The following LTBP1 variants were observed in gnomAD, a reference collection of about 807,000 sequenced individuals.
LTBP1 encodes latent-transforming growth factor beta-binding protein 1.
Under a neutral mutation model 207.6 loss-of-function variants are expected in LTBP1, and 129 were observed. The observed-to-expected ratio is 0.62, with a 90% CI of 0.54 to 0.72. The LOEUF is 0.72. Ranked by LOEUF, LTBP1 falls within the 30% of genes least tolerant of loss-of-function variation. LTBP1 has a pLI of 0.00. For missense variants in LTBP1, 2,281 were observed against 2,217.2 expected (o/e 1.03, Z -0.58); for synonymous variants, 963 against 833.7 (o/e 1.16, Z -2.67).
At chr2:32,961,375 T>A (rs1009394545) in intron 2 of LTBP1, among the ~76,000 whole-genome samples, 1 of 152,204 alleles carries the variant, frequency 6.6e-6, no homozygotes, top group East Asian at 1.9e-4. Flanking sequence ...GTGTTAAAAG[T>A]CAAATTAATG....
At chr2:33,209,491 T>C (rs187921500) in intron 7 of LTBP1, among the ~76,000 whole-genome samples, 2 of 152,294 alleles carry the variant, frequency 1.3e-5, no homozygotes, top group South Asian at 2.1e-4. Flanking sequence ...AGTTGAATTA[T>C]TGGAATTCCA....
At position 33,354,643 on chromosome 2, in the gene LTBP1, A is replaced by G. The variant is rs186254700; in HGVS notation, c.4001-5954A>G. Among the ~76,000 whole-genome samples, 283 of 150,978 alleles carry G rather than the reference A, an allele frequency of 1.9e-3. 1 individual carries two copies. The highest frequency in any genetic ancestry group is 6.6e-3 in the African/African-American group (273 of 41,156). On this transcript the variant is annotated intron_variant, in intron 26 of 33. Coordinates refer to ENST00000404816, the MANE Select transcript of LTBP1 (RefSeq NM_206943.4). ...TTCTGAAAAGAGATATCAGTGTTTT[A>G]ATGAACTGACATATCAATCAAAGTG...
At chr2:33,095,553 T>G (rs1441312771) in intron 3 of LTBP1, among the ~76,000 whole-genome samples, 1 of 152,060 alleles carries the variant, frequency 6.6e-6, no homozygotes, top group Non-Finnish European at 1.5e-5. Context: ...ATACTGTACC[T>G]AATAATAACC....
chr2:33,344,011 C>T (rs1256013443), intron 25 of LTBP1, among the ~76,000 whole-genome samples: 1 of 152,142 alleles, frequency 6.6e-6, no homozygotes, highest in Non-Finnish European at 1.5e-5. Flanking sequence ...GAGTCTATTG[C>T]CTATTTGGTT....
At chr2:33,072,584 G>A (rs1050699355) in intron 3 of LTBP1, among the ~76,000 whole-genome samples, 5 of 152,168 alleles carry the variant, frequency 3.3e-5, no homozygotes, top group African/African-American at 9.7e-5. Flanking sequence ...AGTTTCTAAG[G>A]CCTTCCTTGG....
At chr2:33,096,813 A>G (rs569144433) in intron 3 of LTBP1, among the ~76,000 whole-genome samples, 12 of 152,334 alleles carry the variant, frequency 7.9e-5, no homozygotes, top group Admixed American at 2.0e-4. Flanking sequence ...CAGAAGGCTG[A>G]GGCAGGAGGA....
rs190741501 is a variant in LTBP1 at position 33,017,716 on chromosome 2, A to C, written c.566-3193A>C. On this transcript the variant is annotated intron_variant, in intron 2 of 33. Transcript: ENST00000404816. ...ACTGCAAGCTCCGCCTCCTGGGTTC[A>C]CGCCATTCTTCTGCCTCAGCCTCCC... Among the ~76,000 whole-genome samples, 472 of 152,284 alleles carry C rather than the reference A, an allele frequency of 3.1e-3. 2 individuals carry two copies. The highest frequency in any genetic ancestry group is 0.011 in the African/African-American group (451 of 41,560).
rs989504771 is a variant in LTBP1 at position 33,389,262 on chromosome 2, G to T, written c.4790G>T (p.Ser1597Ile). 2.5e-6 allele frequency: 4 copies of T among 1,614,092 alleles called. No homozygotes were observed. The African/African-American group carries it at 5.3e-5, about 22-fold the overall frequency. ...GGACGGGACGCCTTGGTTGACTTCA[G>T]TGAACAGTATACTCCAGAAGCCGAT... is the stretch of plus-strand genomic sequence containing the variant. ...PYGRDALVDF[S>I]EQYTPEADPY... The change falls in exon 32 of 34, where the codon AGT (serine) becomes ATT (isoleucine). Residue 1597 changes from serine to isoleucine, a missense_variant. Around this residue, in one of 3 missense-constraint regions of LTBP1, gnomAD observed 1,671 missense variants for 1,634.8 expected, o/e 1.02. Transcript: ENST00000404816.
chr2:33,085,749 A>G (rs1220608625), intron 3 of LTBP1, among the ~76,000 whole-genome samples: 1 of 152,192 alleles, frequency 6.6e-6, no homozygotes, highest in Non-Finnish European at 1.5e-5. Context: ...TCTAACTCCA[A>G]ATTCTGTGTT....
At chr2:33,007,690 A>G (rs1427888676) in intron 2 of LTBP1, among the ~76,000 whole-genome samples, 1 of 152,222 alleles carries the variant, frequency 6.6e-6, no homozygotes, top group Non-Finnish European at 1.5e-5. Context: ...CCCATATACA[A>G]ATGTGACTTG....
intron 20 of LTBP1, among the ~76,000 whole-genome samples, chr2:33,295,169 A>G (rs988268298): frequency 6.6e-6 from 1 of 152,044 alleles, no homozygotes; most frequent in Non-Finnish European, 1.5e-5. Flanking sequence ...TAAAATTTCC[A>G]TTAATATCAT....
chr2:33,380,331 C>G (rs2095197495), intron 31 of LTBP1, among the ~76,000 whole-genome samples: 1 of 151,142 alleles, frequency 6.6e-6, no homozygotes, highest in Non-Finnish European at 1.5e-5. Flanking sequence ...AATCCCAGCA[C>G]TTTGGGAGGT....
At chr2:32,965,087 C>G (rs1679746553) in intron 2 of LTBP1, among the ~76,000 whole-genome samples, 1 of 152,038 alleles carries the variant, frequency 6.6e-6, no homozygotes, top group African/African-American at 2.4e-5. Context: ...CTCCTTCAGT[C>G]TCAGTTGGGA....
At chr2:32,954,841 G>T (rs1435089909) in intron 2 of LTBP1, among the ~76,000 whole-genome samples, 1 of 152,152 alleles carries the variant, frequency 6.6e-6, no homozygotes, top group Non-Finnish European at 1.5e-5. Context: ...ATCTGTGACT[G>T]TGGATCTAAT....
chr2:33,382,598 A>G (rs750979464), intron 31 of LTBP1, among the ~76,000 whole-genome samples: 3 of 152,160 alleles, frequency 2.0e-5, no homozygotes, highest in Admixed American at 6.5e-5. Context: ...CTATCATCAC[A>G]TCTTTCCGTA....
At chr2:33,397,347 G>T in intron 33 of LTBP1, 65 bp downstream of exon 33, 1 of 1,568,596 alleles carries the variant, frequency 6.4e-7, no homozygotes, top group South Asian at 1.1e-5. Flanking sequence ...TCAGTCAGTA[G>T]AGAACATTTA....
intron 2 of LTBP1, among the ~76,000 whole-genome samples, chr2:33,013,889 C>T (rs1299298464): frequency 1.3e-5 from 2 of 152,000 alleles, no homozygotes; most frequent in Non-Finnish European, 2.9e-5. Context: ...CATTAAACTC[C>T]TGAATGAAAC....
At chr2:33,084,464 A>C (rs1190065810) in intron 3 of LTBP1, among the ~76,000 whole-genome samples, 2 of 152,128 alleles carry the variant, frequency 1.3e-5, no homozygotes, top group African/African-American at 2.4e-5. Context: ...GTTCATGCAG[A>C]GGAACTCTTA....
chr2:33,116,714 T>C (rs947766187), intron 4 of LTBP1, among the ~76,000 whole-genome samples: 2 of 151,714 alleles, frequency 1.3e-5, no homozygotes, highest in African/African-American at 4.9e-5. Flanking sequence ...AGTTGTCATC[T>C]GATGTACTAA....
Sources: allele counts gnomAD v4.1 joint callset (sites outside exome capture counted in the v4.1 genomes callset), GRCh38; gene constraint gnomAD v4.1.1; regional missense constraint gnomAD v4.1.1; transcripts MANE v1.5; gene names NCBI Gene and HGNC (gene_info 2026-07-23, HGNC 2026-07-21).